The following MATN2 variants were observed in gnomAD, a reference collection of about 807,000 sequenced individuals.
The protein encoded by MATN2 is matrilin-2.
In MATN2, 69 loss-of-function variants were observed where a neutral mutation model predicts 103.2. The ratio of observed to expected loss-of-function variants is 0.67; its 90% CI spans 0.55 to 0.82. The LOEUF (loss-of-function observed/expected upper bound fraction) is 0.82, where lower values mean the gene tolerates loss of function less well. MATN2 is among the 40% of genes least tolerant of loss of function. The probability of loss-of-function intolerance (pLI) is 0.00; values close to 1 mark genes in which losing one functional copy is unlikely to be tolerated. For synonymous variants in MATN2, 429 were observed against 450.2 expected (o/e 0.95, Z 0.60); for missense variants, 1,023 against 1,211.5 (o/e 0.84, Z 2.31).
In MATN2 at chr8:98,007,165, A is replaced by C; in HGVS notation, c.1388A>C (p.Asp463Ala). The C allele has an allele frequency of 6.2e-7, 1 of 1,613,694 alleles. No homozygotes were observed. Among genetic ancestry groups the C allele is most frequent in the Non-Finnish European group, 8.5e-7 (1 of 1,179,824 alleles). Residue 463 changes from aspartate (D) to alanine (A), a missense_variant, in exon 9 of 19, where the codon GAT (aspartate) becomes GCT (alanine). Coordinates refer to ENST00000254898, the MANE Select transcript of MATN2 (RefSeq NM_002380.5). This position sits in a 1 kb window ranked among gnomAD's most constrained non-coding sequence, Gnocchi z 4.2. ...GAGCAGCTGTGTCTGAACACGGAGG[A>C]TTCCTTCGTCTGCCAGTGCTCAGAA... ...GCEQLCLNTE[D>A]SFVCQCSEGF... is the part of the protein sequence containing the mutation.
intron 3 of MATN2, 85 bp from the exon 4 acceptor site, chr8:97,941,692 T>C: frequency 6.9e-7 from 1 of 1,447,378 alleles, no homozygotes; most frequent in Non-Finnish European, 9.4e-7. Context: ...GAGGAGAGAG[T>C]AGGCACTGAA....
Position 97,981,499 on chromosome 8 carries a change from G to GCAAGCTGGTGAGGGACCTTAGC in MATN2, c.1081+2494_1081+2515dup, listed in dbSNP as rs529054941. Among the ~76,000 whole-genome samples, 261 of 152,286 alleles carry GCAAGCTGGTGAGGGACCTTAGC rather than the reference G, an allele frequency of 1.7e-3. 1 individual carries two copies. The highest frequency in any genetic ancestry group is 5.8e-3 in the African/African-American group (243 of 41,560). ...GCAAAAAACATTCAAGATTTCCACT[G>GCAAGCTGGTGAGGGACCTTAGC]CAAGCTGGTGAGGGACCTTAGCCAT... is the stretch of plus-strand genomic sequence containing the variant. On this transcript the variant is annotated intron_variant, in intron 6 of 18. Transcript: ENST00000254898.
At chr8:97,927,694 G>A (rs989628773) in intron 2 of MATN2, among the ~76,000 whole-genome samples, 6 of 152,290 alleles carry the variant, frequency 3.9e-5, no homozygotes, top group East Asian at 1.9e-4. Flanking sequence ...CCTTTGTGGC[G>A]TTTTTGTACA....
intron 6 of MATN2, among the ~76,000 whole-genome samples, chr8:97,985,236 G>T (rs1316948819): frequency 6.6e-6 from 1 of 152,136 alleles, no homozygotes; most frequent in East Asian, 1.9e-4. Context: ...AGAGAGAAAG[G>T]ATGAGGCGGT....
At chr8:98,025,913 C>G (rs1414906237) in intron 13 of MATN2, among the ~76,000 whole-genome samples, 1 of 152,068 alleles carries the variant, frequency 6.6e-6, no homozygotes, top group Non-Finnish European at 1.5e-5. Flanking sequence ...TACAGTGGCT[C>G]ATGCCTGTAA....
intron 1 of MATN2, among the ~76,000 whole-genome samples, chr8:97,885,952 C>T (rs183597429): frequency 1.3e-5 from 2 of 152,218 alleles, no homozygotes; most frequent in Non-Finnish European, 2.9e-5. Context: ...GCGAGCTCAG[C>T]TTCATCTGTA....
At chr8:98,034,366 A>C in intron 18 of MATN2, 1 of 349,658 alleles carries the variant, frequency 2.9e-6, no homozygotes, top group South Asian at 2.2e-5. Context: ...AGCGTACTAA[A>C]GCTGGCTGAT....
Position 98,007,859 on chromosome 8 carries a change from C to G in MATN2, c.1573+258C>G, listed in dbSNP as rs1273460535. Among the ~76,000 whole-genome samples, 1 of 152,142 alleles carries G rather than the reference C, an allele frequency of 6.6e-6. No individual in the cohort carries two copies. Among genetic ancestry groups the G allele is most frequent in the Non-Finnish European group, 1.5e-5 (1 of 68,022 alleles). On this transcript the variant is annotated intron_variant, in intron 10 of 18. Coordinates refer to ENST00000254898, the MANE Select transcript of MATN2 (RefSeq NM_002380.5). The surrounding 1 kb of genome is among the most constrained non-coding windows in gnomAD (Gnocchi z 4.2). ...TGTCATTCTGAAGCTGGACAGAGCC[C>G]TTGTCCTCAGCTCTCTCTGCTCTAC...
intron 6 of MATN2, among the ~76,000 whole-genome samples, chr8:97,990,348 A>C (rs947524822): frequency 6.6e-6 from 1 of 152,230 alleles, no homozygotes; most frequent in African/African-American, 2.4e-5. Context: ...TGAGATAATC[A>C]TACCCACTAG....
intron 7 of MATN2, among the ~76,000 whole-genome samples, chr8:97,996,483 A>G (rs1480616077): frequency 2.0e-5 from 3 of 152,182 alleles, no homozygotes; most frequent in Non-Finnish European, 4.4e-5. Context: ...ATCCATGTAT[A>G]TTCAGTGGGT....
At chr8:97,932,437 A>C (rs1453309819) in intron 3 of MATN2, among the ~76,000 whole-genome samples, 1 of 151,642 alleles carries the variant, frequency 6.6e-6, no homozygotes, top group Non-Finnish European at 1.5e-5. Context: ...TGTAGGGGCC[A>C]CTCCTCACCT....
chr8:97,889,862 A>G (rs1482392491), intron 2 of MATN2, among the ~76,000 whole-genome samples: 1 of 151,802 alleles, frequency 6.6e-6, no homozygotes, highest in African/African-American at 2.4e-5. Flanking sequence ...CTAGGCTCCA[A>G]GTCTCTCTCT....
intron 2 of MATN2, among the ~76,000 whole-genome samples, chr8:97,922,625 C>T (rs1809849755): frequency 6.6e-6 from 1 of 152,136 alleles, no homozygotes; most frequent in South Asian, 2.1e-4. Flanking sequence ...TGAAAGGATC[C>T]AGGCTGAGGG....
chr8:97,933,105 G>T (rs1245595517), intron 3 of MATN2, among the ~76,000 whole-genome samples: 2 of 152,176 alleles, frequency 1.3e-5, no homozygotes, highest in African/African-American at 4.8e-5. Context: ...GATCTCATTT[G>T]TTCTTGACTC....
intron 10 of MATN2, among the ~76,000 whole-genome samples, chr8:98,016,212 C>A (rs992003029): frequency 1.3e-5 from 2 of 152,096 alleles, no homozygotes; most frequent in Non-Finnish European, 2.9e-5. Context: ...GAAATCCCGT[C>A]TCCACAAAAA....
intron 6 of MATN2, among the ~76,000 whole-genome samples, chr8:97,994,043 G>GGAAAGGAAGAGA (rs1812480438): frequency 8.5e-6 from 1 of 117,346 alleles, no homozygotes; most frequent in Non-Finnish European, 1.8e-5. Context: ...AGAAGAAGAA[G>GGAAAGGAAGAGA]GAAAGGAAGA....
Position 97,888,032 on chromosome 8 carries a change from G to A in MATN2, c.-26-43G>A, listed in dbSNP as rs1818498847. On this transcript the variant is annotated intron_variant, in intron 1 of 18. Coordinates refer to ENST00000254898, the MANE Select transcript of MATN2 (RefSeq NM_002380.5). The stretch of plus-strand genomic sequence containing the variant: ...CAGCTCCTGGAGTTCAGGGAGACCC[G>A]GAAATCTCACCCTGCCCTCTTCTTG... The A allele has an allele frequency of 1.4e-5, 22 of 1,560,748 alleles. No homozygotes were observed. The East Asian group carries it at 4.4e-4, about 31-fold the overall frequency.
intron 2 of MATN2, among the ~76,000 whole-genome samples, chr8:97,912,670 C>A (rs191821549): frequency 2.0e-4 from 31 of 152,286 alleles, no homozygotes; most frequent in African/African-American, 7.5e-4. Flanking sequence ...GGAGGGGCAG[C>A]TCTGCTTTCC....
At chr8:97,942,682 C>T (rs1438629950) in intron 4 of MATN2, among the ~76,000 whole-genome samples, 4 of 152,220 alleles carry the variant, frequency 2.6e-5, no homozygotes, top group African/African-American at 9.6e-5. Flanking sequence ...TTAGTTCGTG[C>T]AGTGCATAAC....
Sources: gnomAD v4.1 joint callset for allele counts (sites outside exome capture counted in the v4.1 genomes callset) on GRCh38, gnomAD v4.1.1 for gene constraint, Gnocchi (gnomAD v3.1) non-coding constraint, MANE v1.5 for transcripts, NCBI Gene and HGNC (gene_info 2026-07-23, HGNC 2026-07-21) for gene names.